The following PDE11A variants were observed in gnomAD, a reference collection of about 807,000 sequenced individuals.
PDE11A encodes phosphodiesterase 11A.
A neutral mutation model predicts 100.5 loss-of-function variants in PDE11A; 100 were observed. That is an observed-to-expected ratio of 1.00 (90% CI 0.85 to 1.18). PDE11A has a LOEUF of 1.18. Among genes scored for constraint, PDE11A ranks in the 50% most tolerant of loss-of-function variants. The pLI is 0.00. For missense variants in PDE11A, 1,141 were observed against 1,152.6 expected (o/e 0.99, Z 0.15); for synonymous variants, 381 against 420.8 (o/e 0.91, Z 1.16).
At chr2:177,776,008 A>G (rs1212649305) in intron 9 of PDE11A, among the ~76,000 whole-genome samples, 1 of 152,214 alleles carries the variant, frequency 6.6e-6, no homozygotes, top group African/African-American at 2.4e-5. Flanking sequence ...ATATTTAATG[A>G]ATCAAGGAAT....
At chr2:178,081,810 A>G (rs1174178527) in intron 2 of PDE11A, among the ~76,000 whole-genome samples, 1 of 152,248 alleles carries the variant, frequency 6.6e-6, no homozygotes, top group Non-Finnish European at 1.5e-5. Flanking sequence ...AAAATTATTA[A>G]AAGTTATCAT....
intron 1 of PDE11A, among the ~76,000 whole-genome samples, chr2:178,029,064 G>C (rs2086513710): frequency 6.6e-6 from 1 of 152,088 alleles, no homozygotes; most frequent in Admixed American, 6.6e-5. Flanking sequence ...ACTTAAGAAA[G>C]GTTATCTTAT....
chr2:177,831,966 A>G (rs968117885), intron 6 of PDE11A, among the ~76,000 whole-genome samples: 10 of 152,178 alleles, frequency 6.6e-5, no homozygotes, highest in African/African-American at 1.9e-4. Context: ...TGGGCAGTAC[A>G]GGTATTACAG....
chr2:177,713,589 G>T (rs1467337141), intron 12 of PDE11A, among the ~76,000 whole-genome samples: 2 of 152,012 alleles, frequency 1.3e-5, no homozygotes, highest in African/African-American at 4.8e-5. Flanking sequence ...GCCTCGCTTG[G>T]TGGCACGCGC....
intron 4 of PDE11A, among the ~76,000 whole-genome samples, chr2:177,892,646 C>T (rs775070977): frequency 5.3e-5 from 8 of 152,230 alleles, no homozygotes; most frequent in Non-Finnish European, 1.0e-4. Context: ...GAGACATGCA[C>T]CTTTCTGGGT....
At chr2:178,071,481 C>G (rs373501983) in intron 1 of PDE11A, 45 bp downstream of exon 1, 5 of 1,612,362 alleles carry the variant, frequency 3.1e-6, no homozygotes, top group African/African-American at 1.3e-5. Context: ...GCTTATCTCC[C>G]AAGCCAATGG....
At chr2:177,864,053 C>T (rs2083989526) in intron 5 of PDE11A, among the ~76,000 whole-genome samples, 1 of 152,008 alleles carries the variant, frequency 6.6e-6, no homozygotes, top group South Asian at 2.1e-4. Flanking sequence ...TTTGCCATGA[C>T]ATGGATAAGC....
chr2:177,767,968 C>A (rs2082261703), intron 10 of PDE11A, among the ~76,000 whole-genome samples: 2 of 152,064 alleles, frequency 1.3e-5, no homozygotes, highest in Non-Finnish European at 2.9e-5. Context: ...TGTTCTGTCT[C>A]CTCCCTCTGC....
intron 1 of PDE11A, among the ~76,000 whole-genome samples, chr2:178,018,962 T>A (rs187500654): frequency 1.3e-5 from 2 of 152,344 alleles, no homozygotes; most frequent in Admixed American, 6.5e-5. Context: ...AGAGTATAAC[T>A]AAACATTATA....
intron 1 of PDE11A, among the ~76,000 whole-genome samples, chr2:178,065,505 C>G (rs1343073943): frequency 2.0e-5 from 3 of 152,176 alleles, no homozygotes; most frequent in Admixed American, 2.0e-4. Context: ...TCCTCATGTA[C>G]AAAGCAGCAA....
chr2:178,015,424 CAA>C lies in PDE11A; in HGVS notation c.913-966_913-965del, dbSNP rs199989786. ...TAAAAAATGTCAAGATCATGAAAGA[CAA>C]AAAAAAAGTTTTTTTAAATAAATAT... On this transcript the variant is annotated intron_variant, in intron 1 of 19. Coordinates refer to ENST00000286063, the MANE Select transcript of PDE11A (RefSeq NM_016953.4). 3.3e-5 allele frequency among the ~76,000 whole-genome samples: 5 copies of C among 150,516 alleles called. No individual in the cohort carries two copies. The South Asian group carries it at 1.1e-3, about 32-fold the overall frequency.
chr2:178,081,659 T>C (rs757349046), intron 2 of PDE11A, among the ~76,000 whole-genome samples: 1 of 152,230 alleles, frequency 6.6e-6, no homozygotes, highest in Non-Finnish European at 1.5e-5. Flanking sequence ...ACACTGACGT[T>C]GGAGGGAGTT....
intron 2 of PDE11A, among the ~76,000 whole-genome samples, chr2:177,946,080 C>A (rs758001894): frequency 2.4e-5 from 3 of 126,782 alleles, no homozygotes; most frequent in Middle Eastern, 5.9e-3. Flanking sequence ...CCTGGCCAGC[C>A]GCCCCGTCCG....
intron 2 of PDE11A, among the ~76,000 whole-genome samples, chr2:177,928,531 A>AC (rs2085162290): frequency 7.9e-6 from 1 of 126,512 alleles, no homozygotes; most frequent in Non-Finnish European, 1.7e-5. Context: ...GAGAGAGAGA[A>AC]CTGTAGAAAA....
intron 1 of PDE11A, among the ~76,000 whole-genome samples, chr2:178,015,121 G>C (rs932526832): frequency 6.6e-6 from 1 of 152,146 alleles, no homozygotes; most frequent in Non-Finnish European, 1.5e-5. Context: ...CAGTCTCAAA[G>C]TGCCACACCC....
intron 5 of PDE11A, among the ~76,000 whole-genome samples, chr2:177,848,612 G>A (rs1299919966): frequency 6.6e-6 from 1 of 152,142 alleles, no homozygotes; most frequent in Non-Finnish European, 1.5e-5. Context: ...AGCTTCATGA[G>A]CTCAAATATA....
chr2:177,871,996 T>C (rs1402605755), intron 5 of PDE11A, among the ~76,000 whole-genome samples: 2 of 152,220 alleles, frequency 1.3e-5, no homozygotes, highest in Non-Finnish European at 2.9e-5. Context: ...AATGTGACTC[T>C]ATTTATTTAA....
At chr2:178,021,344 A>G (rs528056839) in intron 1 of PDE11A, among the ~76,000 whole-genome samples, 11 of 152,196 alleles carry the variant, frequency 7.2e-5, no homozygotes, top group Non-Finnish European at 1.3e-4. Context: ...CTTATAAGAT[A>G]ATTCTCACAA....
intron 9 of PDE11A, among the ~76,000 whole-genome samples, chr2:177,807,510 TC>T (rs1457462512): frequency 6.6e-6 from 1 of 152,140 alleles, no homozygotes; most frequent in African/African-American, 2.4e-5. Flanking sequence ...AGCCTTGACC[TC>T]CTGGGCTCAG....
Sources: allele counts gnomAD v4.1 joint callset (sites outside exome capture counted in the v4.1 genomes callset), GRCh38; gene constraint gnomAD v4.1.1; transcripts MANE v1.5; gene names NCBI Gene and HGNC (gene_info 2026-07-23, HGNC 2026-07-21).